The following PIWIL1 variants were observed in gnomAD, a reference collection of about 807,000 sequenced individuals.
PIWIL1 encodes piwi like RNA-mediated gene silencing 1, also known as piwi-like protein 1.
Under a neutral mutation model 114.4 loss-of-function variants are expected in PIWIL1, and 73 were observed. That is an observed-to-expected ratio of 0.64 (90% CI 0.53 to 0.78). PIWIL1 has a LOEUF of 0.78. PIWIL1 is among the 30% of genes least tolerant of loss of function. The pLI is 0.00. For synonymous variants in PIWIL1, 375 were observed against 369.0 expected (o/e 1.02, Z -0.19); for missense variants, 723 against 1,063.1 (o/e 0.68, Z 4.45).
At chr12:130,356,017 T>A (rs1005393713) in intron 12 of PIWIL1, among the ~76,000 whole-genome samples, 8 of 151,584 alleles carry the variant, frequency 5.3e-5, no homozygotes, top group African/African-American at 1.9e-4. Flanking sequence ...TCAAAAATCA[T>A]CTGTAAGACT....
chr12:130,355,322 CG>C (rs1385415059), intron 11 of PIWIL1, among the ~76,000 whole-genome samples: 2 of 152,026 alleles, frequency 1.3e-5, no homozygotes, highest in East Asian at 3.9e-4. Context: ...TTTCCTTTGA[CG>C]GGGAGAAAGT....
the PIWIL1 span, among the ~76,000 whole-genome samples, chr12:130,400,829 A>G: frequency 6.6e-6 from 1 of 152,250 alleles, no homozygotes; most frequent in Non-Finnish European, 1.5e-5. Flanking sequence ...CAGGCACATG[A>G]AAAGATGCCA....
At chr12:130,399,950 G>C in the PIWIL1 span, 2 of 983,132 alleles carry the variant, frequency 2.0e-6, no homozygotes, top group Non-Finnish European at 2.9e-6. Context: ...GACTTGAAAG[G>C]ACTCTAAATC....
the PIWIL1 span, chr12:130,399,573 TTTAC>T: frequency 9.7e-6 from 13 of 1,345,344 alleles, 1 homozygote; most frequent in East Asian, 4.6e-5. Flanking sequence ...TCAGGGTGTA[TTTAC>T]GCTTTTCGGC....
the PIWIL1 span, among the ~76,000 whole-genome samples, chr12:130,408,128 G>A: frequency 3.9e-4 from 60 of 152,296 alleles, no homozygotes; most frequent in Non-Finnish European, 6.9e-4. Context: ...CGGGGCTCTC[G>A]AACAGCAAAT....
the PIWIL1 span, among the ~76,000 whole-genome samples, chr12:130,394,128 G>A: frequency 1.3e-5 from 2 of 152,110 alleles, no homozygotes; most frequent in African/African-American, 4.8e-5. Context: ...GCTCCATGGA[G>A]TATTTCCACA....
the PIWIL1 span, chr12:130,399,060 C>T: frequency 5.5e-5 from 53 of 958,316 alleles, 1 homozygote; most frequent in East Asian, 8.8e-5. Flanking sequence ...CACACTGGCC[C>T]GGTTAAGGTA....
chr12:130,363,777 C>G (rs997024088), intron 18 of PIWIL1, among the ~76,000 whole-genome samples: 2 of 152,000 alleles, frequency 1.3e-5, no homozygotes, highest in African/African-American at 4.8e-5. Flanking sequence ...ACCACCACAC[C>G]TGGCTAATTT....
chr12:130,391,702 G>C, the PIWIL1 span, among the ~76,000 whole-genome samples: 1 of 152,228 alleles, frequency 6.6e-6, no homozygotes, highest in African/African-American at 2.4e-5. Context: ...AGCTGTGGTA[G>C]ATGAGGCCAA....
In PIWIL1 at chr12:130,357,527, C is replaced by A. The variant is rs1051307767; in HGVS notation, c.1639C>A (p.Gln547Lys). The A allele has an allele frequency of 1.2e-6, 2 of 1,612,444 alleles. No individual in the cohort carries two copies. Among genetic ancestry groups the A allele is most frequent in the African/African-American group, 2.7e-5 (2 of 74,838 alleles). The change falls in exon 14 of 21, where the codon CAA (glutamine) becomes AAA (lysine). Residue 547 changes from glutamine to lysine, a missense_variant. By Grantham distance (53) the Gln-to-Lys change is moderately conservative (BLOSUM62 1). Around this residue, in one of 8 missense-constraint regions of PIWIL1, gnomAD observed 298 missense variants for 420.8 expected, o/e 0.71. Transcript: ENST00000245255. ...RTEAYLRVLQ[Q>K]KVTADTQIVV... is the part of the protein sequence containing the mutation. Reference sequence around the variant, plus strand: ...TGAAGCCTACTTAAGAGTCTTACAGCAAAAGGTCACAGCAGACACCCAGAT... The same window carrying A: ...TGAAGCCTACTTAAGAGTCTTACAGAAAAAGGTCACAGCAGACACCCAGAT...
chr12:130,382,465 G>GGCCGCCGTGGTCTGAGCCTGT, the PIWIL1 span, among the ~76,000 whole-genome samples: 1 of 152,220 alleles, frequency 6.6e-6, no homozygotes, highest in Non-Finnish European at 1.5e-5. Flanking sequence ...TAGGGGCCTG[G>GGCCGCCGTGGTCTGAGCCTGT]GCCGCCGTGG....
the PIWIL1 span, among the ~76,000 whole-genome samples, chr12:130,402,808 G>A: frequency 2.6e-5 from 4 of 152,202 alleles, no homozygotes; most frequent in Non-Finnish European, 4.4e-5. Context: ...ATTATCTCCC[G>A]TACCTTAGTA....
the PIWIL1 span, chr12:130,425,841 G>C: frequency 6.6e-6 from 1 of 152,390 alleles, no homozygotes; most frequent in Non-Finnish European, 1.5e-5. Context: ...AGGGCCACTT[G>C]TCTGTCCCCC....
the PIWIL1 span, among the ~76,000 whole-genome samples, chr12:130,423,567 G>A: frequency 6.6e-6 from 1 of 152,032 alleles, no homozygotes; most frequent in South Asian, 2.1e-4. Context: ...AGGGCCGGCG[G>A]GGAGAAGGCT....
chr12:130,382,791 C>T, the PIWIL1 span, among the ~76,000 whole-genome samples: 1 of 152,108 alleles, frequency 6.6e-6, no homozygotes, highest in Non-Finnish European at 1.5e-5. Context: ...TTGGCCAAAA[C>T]CTGGGTTGAA....
chr12:130,387,603 C>G, the PIWIL1 span, among the ~76,000 whole-genome samples: 1 of 126,056 alleles, frequency 7.9e-6, no homozygotes, highest in Non-Finnish European at 1.7e-5. Flanking sequence ...CTCCATTCAC[C>G]CATGCACACT....
the PIWIL1 span, among the ~76,000 whole-genome samples, chr12:130,422,748 C>T: frequency 2.4e-4 from 37 of 152,348 alleles, no homozygotes; most frequent in Middle Eastern, 3.4e-3. This position sits in a 1 kb window ranked among gnomAD's most constrained non-coding sequence, Gnocchi z 5.2. Flanking sequence ...ACTGTCTACT[C>T]GGAGCCGCTG....
In PIWIL1 at chr12:130,354,999, T is replaced by C; in HGVS notation, c.1283T>C (p.Ile428Thr). The change falls in exon 11 of 21, where the codon ATT becomes ACT. Residue 428 changes from isoleucine (I) to threonine (T), a missense_variant. Coordinates refer to ENST00000245255, the MANE Select transcript of PIWIL1 (RefSeq NM_004764.5). ...GAAGTGGGACGACTCATTGATTACA[T>C]TCATAAGTAAGTCATTGATTTCACT... ...QREVGRLIDY[I>T]HKNDNVQREL... The C allele has an allele frequency of 6.3e-7, 1 of 1,589,084 alleles. No individual in the cohort carries two copies. Among genetic ancestry groups the C allele is most frequent in the Non-Finnish European group, 8.6e-7 (1 of 1,157,276 alleles).
intron 18 of PIWIL1, among the ~76,000 whole-genome samples, chr12:130,365,321 G>T (rs920897557): frequency 6.6e-6 from 1 of 152,164 alleles, no homozygotes; most frequent in Non-Finnish European, 1.5e-5. Flanking sequence ...TTCGTTTGTA[G>T]AAGAAGGGAA....
Sources: gnomAD v4.1 joint callset for allele counts (sites outside exome capture counted in the v4.1 genomes callset) on GRCh38, gnomAD v4.1.1 for gene constraint, gnomAD v4.1.1 regional missense constraint, Gnocchi (gnomAD v3.1) non-coding constraint, MANE v1.5 for transcripts, NCBI Gene and HGNC (gene_info 2026-07-23, HGNC 2026-07-21) for gene names.